Variants in COMMD10 observed in about 807,000 individuals in gnomAD.
COMMD10 encodes the protein COMM domain containing 10.
COMMD10 carries 33 observed loss-of-function variants against 28.9 expected under a neutral mutation model. That is an observed-to-expected ratio of 1.14 (90% CI 0.87 to 1.53). The LOEUF (loss-of-function observed/expected upper bound fraction) is 1.53, where lower values mean the gene tolerates loss of function less well. Among genes scored for constraint, COMMD10 ranks in the 40% most tolerant of loss-of-function variants. The probability of loss-of-function intolerance (pLI) is 0.00; values close to 1 mark genes in which losing one functional copy is unlikely to be tolerated. For missense variants in COMMD10, 310 were observed against 233.4 expected, an observed-to-expected ratio of 1.33 and a Z score of -2.14; for synonymous variants, 110 against 81.7, an observed-to-expected ratio of 1.35 and a Z score of -1.87.
intron 4 of COMMD10, among the ~76,000 whole-genome samples, chr5:116,128,994 C>T (rs781073136): frequency 2.0e-5 from 3 of 151,886 alleles, no homozygotes; most frequent in Non-Finnish European, 2.9e-5. Flanking sequence ...AGGTTCTCCA[C>T]TGTATCACTA....
In COMMD10 at chr5:116,202,593, T is replaced by A. The variant is rs112035493; in HGVS notation, c.510+68415T>A. Among the ~76,000 whole-genome samples the A allele has an allele frequency of 1.3e-3, 196 of 151,652 alleles. 3 individuals are homozygous for A. In the East Asian group the frequency reaches 0.034, roughly 27 times the overall value. ...GATTGCCATTCTAAGTGGTGTGAGATGGTATCTCATTGTGGTTTTGATTTG... is the reference window on the plus strand; with the variant it reads ...GATTGCCATTCTAAGTGGTGTGAGAAGGTATCTCATTGTGGTTTTGATTTG... On this transcript the variant is annotated intron_variant, in intron 5 of 6. Coordinates refer to ENST00000274458, the MANE Select transcript of COMMD10 (RefSeq NM_016144.4).
At chr5:116,116,621 G>A (rs1438226154) in intron 4 of COMMD10, among the ~76,000 whole-genome samples, 1 of 151,884 alleles carries the variant, frequency 6.6e-6, no homozygotes, top group Non-Finnish European at 1.5e-5. Context: ...TAAATTCACT[G>A]ACTATACGTG....
chr5:116,126,058 C>G (rs1389373785), intron 4 of COMMD10, among the ~76,000 whole-genome samples: 2 of 152,188 alleles, frequency 1.3e-5, no homozygotes, highest in Non-Finnish European at 2.9e-5. Context: ...TCTCCTTAAG[C>G]TGATAAGCAA....
At chr5:116,264,164 A>G (rs748033806) in intron 5 of COMMD10, among the ~76,000 whole-genome samples, 11 of 151,684 alleles carry the variant, frequency 7.3e-5, no homozygotes, top group Non-Finnish European at 1.0e-4. Context: ...GCTGTATAGG[A>G]GCCATCTGGC....
intron 5 of COMMD10, among the ~76,000 whole-genome samples, chr5:116,195,452 C>A (rs1476162123): frequency 6.6e-6 from 1 of 152,140 alleles, no homozygotes; most frequent in East Asian, 1.9e-4. Context: ...TAAAAGAATT[C>A]AGCAAAGTTT....
intron 4 of COMMD10, among the ~76,000 whole-genome samples, chr5:116,109,015 G>A (rs756911611): frequency 1.3e-5 from 2 of 152,102 alleles, no homozygotes; most frequent in Non-Finnish European, 2.9e-5. Flanking sequence ...CTCACCATCC[G>A]TGGGCTGCAT....
chr5:116,169,504 C>T (rs1165020013), intron 5 of COMMD10, among the ~76,000 whole-genome samples: 1 of 152,292 alleles, frequency 6.6e-6, no homozygotes, highest in East Asian at 1.9e-4. Context: ...CCAGCATTAT[C>T]CTGATACCAA....
Position 116,274,863 on chromosome 5 carries a change from C to A in COMMD10, c.511-16654C>A, listed in dbSNP as rs187405271. On this transcript the variant is annotated intron_variant, in intron 5 of 6. Coordinates refer to ENST00000274458, the MANE Select transcript of COMMD10 (RefSeq NM_016144.4). The stretch of plus-strand genomic sequence containing the variant: ...TAAGCAGTACTTTGTGTTACTATAG[C>A]TCTAATTTCTGTCTGTTTTTCTCCC... Among the ~76,000 whole-genome samples the A allele has an allele frequency of 1.1e-3, 163 of 151,898 alleles. 4 individuals are homozygous for A. The highest frequency in any genetic ancestry group is 3.8e-3 in the African/African-American group (157 of 41,264).
At chr5:116,090,988 T>C (rs1374988330) in intron 2 of COMMD10, 91 bp from the exon 3 acceptor site, 1 of 676,696 alleles carries the variant, frequency 1.5e-6, no homozygotes, top group Non-Finnish European at 2.4e-6. Context: ...AAAGTTCTCA[T>C]CTCATATACG....
At chr5:116,254,306 G>C (rs1750214071) in intron 5 of COMMD10, among the ~76,000 whole-genome samples, 1 of 151,902 alleles carries the variant, frequency 6.6e-6, no homozygotes, top group South Asian at 2.1e-4. Flanking sequence ...CTTCAGTTCT[G>C]CTCTGATCTT....
intron 5 of COMMD10, among the ~76,000 whole-genome samples, chr5:116,208,990 GT>G (rs777153930): frequency 4.0e-5 from 6 of 151,888 alleles, no homozygotes; most frequent in Non-Finnish European, 7.4e-5. Flanking sequence ...TTTTACTTTT[GT>G]TTTTTATTTG....
At chr5:116,278,164 A>G (rs1249075948) in intron 5 of COMMD10, among the ~76,000 whole-genome samples, 2 of 151,818 alleles carry the variant, frequency 1.3e-5, no homozygotes, top group Non-Finnish European at 2.9e-5. Context: ...AAATACTTAG[A>G]AAAATATACC....
intron 5 of COMMD10, among the ~76,000 whole-genome samples, chr5:116,252,415 GGGTTTTTAT>G (rs1255818981): frequency 7.4e-6 from 1 of 134,428 alleles, no homozygotes; most frequent in East Asian, 2.1e-4. Context: ...TTTTCTTCTA[GGGTTTTTAT>G]GGTTTTAGGT....
chr5:116,196,054 T>C (rs1174740216), intron 5 of COMMD10, among the ~76,000 whole-genome samples: 2 of 152,174 alleles, frequency 1.3e-5, no homozygotes, highest in Non-Finnish European at 2.9e-5. Context: ...AAAGCAGAAC[T>C]ACCATTTGAT....
At chr5:116,250,761 G>A (rs1054311524) in intron 5 of COMMD10, among the ~76,000 whole-genome samples, 6 of 151,920 alleles carry the variant, frequency 3.9e-5, no homozygotes, top group Non-Finnish European at 7.4e-5. Context: ...CTGAGAATCT[G>A]CAAGGATGAA....
intron 5 of COMMD10, among the ~76,000 whole-genome samples, chr5:116,164,633 T>C (rs1753032076): frequency 6.6e-6 from 1 of 152,238 alleles, no homozygotes; most frequent in African/African-American, 2.4e-5. Context: ...ACTTGTAGTT[T>C]ACAAATGACC....
chr5:116,292,491 G>A lies in COMMD10; in HGVS notation c.*2G>A. On this transcript the variant is annotated 3_prime_UTR_variant, in exon 7 of 7. Coordinates refer to ENST00000274458, the MANE Select transcript of COMMD10 (RefSeq NM_016144.4). ...GCACAGCTGGATTCCCTTACATGAT[G>A]TTTTCGAAGACTGTTTTTTTCATCA... 1 of 1,569,612 alleles carries A rather than the reference G, an allele frequency of 6.4e-7. No individual in the cohort carries two copies. Among genetic ancestry groups the A allele is most frequent in the East Asian group, 2.3e-5 (1 of 43,620 alleles).
intron 5 of COMMD10, among the ~76,000 whole-genome samples, chr5:116,193,176 C>G (rs1759122176): frequency 1.3e-5 from 2 of 152,178 alleles, no homozygotes; most frequent in Admixed American, 6.5e-5. Flanking sequence ...AATCTTGAAA[C>G]AAATCCTGGA....
rs183574635 is a variant in COMMD10, at chr5:116,157,975, A to G, written c.510+23797A>G. Among the ~76,000 whole-genome samples the G allele has an allele frequency of 9.7e-5, 14 of 143,856 alleles. No homozygotes were observed. In the East Asian group the frequency reaches 2.9e-3, roughly 29 times the overall value. 94.4% of individuals were successfully genotyped at this position (143,856 alleles called of 152,430 possible). On this transcript the variant is annotated intron_variant, in intron 5 of 6. Coordinates refer to ENST00000274458, the MANE Select transcript of COMMD10 (RefSeq NM_016144.4). ...TTTTTAGTCAACCATTTGAATATCT[A>G]CTTTTGTGAAAGGGAAGGGGAGGTG...
Sources: allele counts gnomAD v4.1 joint callset (sites outside exome capture counted in the v4.1 genomes callset), GRCh38; gene constraint gnomAD v4.1.1; transcripts MANE v1.5; gene names NCBI Gene and HGNC (gene_info 2026-07-23, HGNC 2026-07-21).